MAGI2: variants seen among roughly 807,000 people sequenced by gnomAD.
MAGI2 encodes the protein membrane associated guanylate kinase, WW and PDZ domain containing 2, also known as membrane-associated guanylate kinase, WW and PDZ domain-containing protein 2.
MAGI2 carries 35 observed loss-of-function variants against 133.3 expected under a neutral mutation model. The ratio of observed to expected loss-of-function variants is 0.26; its 90% CI spans 0.20 to 0.35. MAGI2 has a LOEUF of 0.35. MAGI2 is among the 10% of genes least tolerant of loss of function. The pLI is 1.00. For synonymous variants in MAGI2, 729 were observed against 710.6 expected (o/e 1.03, Z -0.41); for missense variants, 1,636 against 1,863.4 (o/e 0.88, Z 2.25).
intron 1 of MAGI2, among the ~76,000 whole-genome samples, chr7:79,033,774 T>C (rs1810839011): frequency 6.6e-6 from 1 of 152,200 alleles, no homozygotes. Context: ...CTTTTGGTCT[T>C]CTCTGTCAGT....
chr7:78,479,649 G>A (rs1792152779), intron 6 of MAGI2, among the ~76,000 whole-genome samples: 1 of 151,876 alleles, frequency 6.6e-6, no homozygotes, highest in African/African-American at 2.4e-5. Context: ...GACATTCTTG[G>A]CTAAAATGAT....
At chr7:78,945,820 A>C (rs542391114) in intron 2 of MAGI2, among the ~76,000 whole-genome samples, 9 of 152,240 alleles carry the variant, frequency 5.9e-5, no homozygotes, top group Admixed American at 5.2e-4. Context: ...TCACTTAATA[A>C]ACTCTACATC....
At chr7:79,295,116 T>C (rs1412421077) in intron 1 of MAGI2, among the ~76,000 whole-genome samples, 1 of 152,174 alleles carries the variant, frequency 6.6e-6, no homozygotes, top group Non-Finnish European at 1.5e-5. Context: ...GATGGAGTTT[T>C]ATTTTGCCAT....
At chr7:79,030,181 G>A (rs1810429551) in intron 1 of MAGI2, 1 of 152,162 alleles carries the variant, frequency 6.6e-6, no homozygotes, top group South Asian at 2.1e-4. Flanking sequence ...CCAGGAGTTG[G>A]TGACTGAAAT....
At chr7:78,764,317 T>A (rs2151305891) in intron 2 of MAGI2, among the ~76,000 whole-genome samples, 1 of 151,784 alleles carries the variant, frequency 6.6e-6, no homozygotes, top group South Asian at 2.1e-4. Flanking sequence ...TACTTTTAAA[T>A]GCTGAGATAG....
At chr7:78,399,515 A>G (rs771438849) in intron 6 of MAGI2, among the ~76,000 whole-genome samples, 2 of 152,180 alleles carry the variant, frequency 1.3e-5, no homozygotes, top group Non-Finnish European at 2.9e-5. Context: ...CAAAAAAGGC[A>G]TGATATTGGC....
chr7:78,630,949 G>A (rs1808925604), intron 2 of MAGI2, among the ~76,000 whole-genome samples: 1 of 151,990 alleles, frequency 6.6e-6, no homozygotes, highest in Non-Finnish European at 1.5e-5. Flanking sequence ...TCATCCTGGG[G>A]AGTCACTTTG....
At chr7:78,166,650 G>A (rs1825649032) in intron 15 of MAGI2, among the ~76,000 whole-genome samples, 1 of 152,104 alleles carries the variant, frequency 6.6e-6, no homozygotes, top group Admixed American at 6.5e-5. Context: ...GAAAGAAAAG[G>A]ATTTTTCGTC....
At chr7:78,073,827 T>C (rs987398450) in intron 21 of MAGI2, among the ~76,000 whole-genome samples, 2 of 152,216 alleles carry the variant, frequency 1.3e-5, no homozygotes, top group South Asian at 2.1e-4. Flanking sequence ...CCTTTGTGGA[T>C]TTCATTTGAA....
chr7:79,331,086 T>G lies in MAGI2; in HGVS notation c.301+121934A>C, dbSNP rs1373679326. ...ACACAAACTGGGAATGGTTTGGCAG[T>G]AGGTCTAGAGGATGTGAGTGCGTAC... On this transcript the variant is annotated intron_variant, in intron 1 of 21. Transcript: ENST00000354212. 2.6e-5 allele frequency among the ~76,000 whole-genome samples: 4 copies of G among 152,150 alleles called. No homozygotes were observed. In the East Asian group the frequency reaches 5.8e-4, roughly 22 times the overall value.
At chr7:78,783,587 C>A (rs1297390287) in intron 2 of MAGI2, among the ~76,000 whole-genome samples, 1 of 152,152 alleles carries the variant, frequency 6.6e-6, no homozygotes, top group Non-Finnish European at 1.5e-5. Flanking sequence ...GTACAGGAAC[C>A]TGGAGCTTTG....
chr7:79,066,386 A>G (rs1424100906), intron 1 of MAGI2, among the ~76,000 whole-genome samples: 1 of 150,900 alleles, frequency 6.6e-6, no homozygotes, highest in East Asian at 1.9e-4. Flanking sequence ...GTGTCTGTTC[A>G]TATCCTTCAC....
rs748659647 is a variant in MAGI2 at position 79,391,754 on chromosome 7, G to A, written c.301+61266C>T. Among the ~76,000 whole-genome samples, 7 of 151,508 alleles carry A rather than the reference G, an allele frequency of 4.6e-5. No individual in the cohort carries two copies. The East Asian group carries it at 9.8e-4, about 21-fold the overall frequency. ...ACCCAGGCTGGAGTGGCGCGATCTC[G>A]GCTCACTGCAAGCTCCGCCTCCTGG... is the stretch of plus-strand genomic sequence containing the variant. On this transcript the variant is annotated intron_variant, in intron 1 of 21. Coordinates refer to ENST00000354212, the MANE Select transcript of MAGI2 (RefSeq NM_012301.4).
chr7:78,352,619 G>C lies in MAGI2; in HGVS notation c.1104-6576C>G, dbSNP rs557620255. Reference sequence around the variant, plus strand: ...TTTCTCCTGCTCTTCCTGGACATGAGGGTGTCTATGTTGGGGATATAGTAT... The same window carrying C: ...TTTCTCCTGCTCTTCCTGGACATGACGGTGTCTATGTTGGGGATATAGTAT... On this transcript the variant is annotated intron_variant, in intron 7 of 21. Coordinates refer to ENST00000354212, the MANE Select transcript of MAGI2 (RefSeq NM_012301.4). 1.3e-3 allele frequency among the ~76,000 whole-genome samples: 195 copies of C among 152,242 alleles called. 1 individual carries two copies. The highest frequency in any genetic ancestry group is 2.3e-3 in the Non-Finnish European group (154 of 68,018).
At chr7:79,301,352 T>C (rs963046738) in intron 1 of MAGI2, among the ~76,000 whole-genome samples, 3 of 152,232 alleles carry the variant, frequency 2.0e-5, no homozygotes, top group Non-Finnish European at 4.4e-5. Context: ...GCCAAGGCCT[T>C]GGAAGCTCAC....
chr7:79,023,552 T>G (rs1441826658), intron 1 of MAGI2, among the ~76,000 whole-genome samples: 1 of 152,158 alleles, frequency 6.6e-6, no homozygotes, highest in Non-Finnish European at 1.5e-5. Context: ...ACTATCCCTG[T>G]TTGTTGATGA....
intron 2 of MAGI2, among the ~76,000 whole-genome samples, chr7:78,754,005 T>G (rs1440149511): frequency 6.6e-6 from 1 of 152,084 alleles, no homozygotes; most frequent in Non-Finnish European, 1.5e-5. Flanking sequence ...CTTTAAAATA[T>G]GGTAAAGGAA....
chr7:78,836,361 C>T (rs906566606), intron 2 of MAGI2, among the ~76,000 whole-genome samples: 6 of 152,140 alleles, frequency 3.9e-5, no homozygotes, highest in Admixed American at 6.5e-5. Context: ...TGCATTATGG[C>T]ACAGTATCAG....
chr7:78,924,841 T>G (rs1322803264), intron 2 of MAGI2, among the ~76,000 whole-genome samples: 1 of 149,708 alleles, frequency 6.7e-6, no homozygotes, highest in Non-Finnish European at 1.5e-5. Flanking sequence ...TACATTATTA[T>G]TATTATTACT....
Sources: gnomAD v4.1 joint callset for allele counts (sites outside exome capture counted in the v4.1 genomes callset) on GRCh38, gnomAD v4.1.1 for gene constraint, MANE v1.5 for transcripts, NCBI Gene and HGNC (gene_info 2026-07-23, HGNC 2026-07-21) for gene names.